Variants in ADAMTS8 observed in about 807,000 individuals in gnomAD.
ADAMTS8 encodes the protein ADAM metallopeptidase with thrombospondin type 1 motif 8.
In ADAMTS8, 50 loss-of-function variants were observed where a neutral mutation model predicts 64.4. The ratio of observed to expected loss-of-function variants is 0.78; its 90% CI spans 0.62 to 0.98. The LOEUF is 0.98. Ranked by LOEUF, ADAMTS8 falls within the 50% of genes least tolerant of loss-of-function variation. ADAMTS8 has a pLI of 0.00. For missense variants in ADAMTS8, 1,192 were observed against 1,208.2 expected (o/e 0.99, Z 0.20); for synonymous variants, 556 against 533.6 (o/e 1.04, Z -0.58).
Position 130,416,231 on chromosome 11 carries a change from A to C in ADAMTS8, c.1196T>G (p.Leu399Arg). 1 of 1,593,586 alleles carries C rather than the reference A, an allele frequency of 6.3e-7. No homozygotes were observed. Among genetic ancestry groups the C allele is most frequent in the East Asian group, 2.3e-5 (1 of 43,790 alleles). The change falls in exon 4 of 9, where the codon CTG becomes CGG. Residue 399 changes from leucine (L) to arginine (R), a missense_variant. Coordinates refer to ENST00000257359, the MANE Select transcript of ADAMTS8 (RefSeq NM_007037.6). This position sits in a 1 kb window ranked among gnomAD's most constrained non-coding sequence, Gnocchi z 4.8. ...GGGGGACCAGGGCAGCGTCTGGTTC[A>C]GGTGGACGAACAGCGGTGCCATCAC... is the stretch of plus-strand genomic sequence containing the variant. ...HHVMAPLFVHLNQTLPWSPCS... is the reference protein window; with the variant it reads ...HHVMAPLFVHRNQTLPWSPCS...
intron 1 of ADAMTS8, among the ~76,000 whole-genome samples, chr11:130,425,071 G>A (rs1862146506): frequency 6.6e-6 from 1 of 152,148 alleles, no homozygotes; most frequent in Admixed American, 6.5e-5. Context: ...ATGTGCAGCT[G>A]GGAAAGGTCC....
At chr11:130,412,524 T>C (rs1448148182) in intron 5 of ADAMTS8, among the ~76,000 whole-genome samples, 2 of 152,172 alleles carry the variant, frequency 1.3e-5, no homozygotes, top group Admixed American at 1.3e-4. Flanking sequence ...CTGCTTCCCA[T>C]TTTACAACTG....
At chr11:130,412,460 T>C (rs6590458) in intron 5 of ADAMTS8, among the ~76,000 whole-genome samples, 13,748 of 152,164 alleles carry the variant, frequency 0.09, 845 homozygotes, top group African/African-American at 0.18. Flanking sequence ...GTGATCAACC[T>C]GCCTCGGCCT....
chr11:130,422,907 C>A (rs1198534937), intron 1 of ADAMTS8, among the ~76,000 whole-genome samples: 1 of 152,224 alleles, frequency 6.6e-6, no homozygotes, highest in Non-Finnish European at 1.5e-5. Flanking sequence ...AATAGCCATG[C>A]CTTGCTGAGT....
intron 2 of ADAMTS8, 106 bp from the exon 3 acceptor site, chr11:130,417,181 G>T: frequency 7.0e-7 from 1 of 1,429,870 alleles, no homozygotes; most frequent in South Asian, 1.2e-5. Flanking sequence ...GTGGACCACT[G>T]AGCGTCCCAT....
At position 130,428,276 on chromosome 11, in the gene ADAMTS8, G is replaced by A. The variant is rs1251581360; in HGVS notation, c.11C>T (p.Ala4Val). The A allele has an allele frequency of 2.5e-6, 3 of 1,213,648 alleles. No homozygotes were observed. Among genetic ancestry groups the A allele is most frequent in the Non-Finnish European group, 3.1e-6 (3 of 979,322 alleles). 75.2% of individuals were successfully genotyped at this position (1,213,648 alleles called of 1,614,324 possible). A position where few individuals can be genotyped will look rare whatever the true frequency, so the allele number is the denominator to read the frequency against. ...CGGAGGCCACCGGGGGGCGGCGGGG[G>A]CGGGGAGCATGGGGGCTGCGGCGGT... is the stretch of plus-strand genomic sequence containing the variant. MLPAPAAPRWPPLL... is the reference protein window; with the variant it reads MLPVPAAPRWPPLL... Residue 4 changes from alanine to valine, a missense_variant, in exon 1 of 9, where the codon GCC (alanine) becomes GTC (valine). Physicochemically the swap from Ala to Val is moderately conservative, Grantham distance 64. Around this residue, in one of 5 missense-constraint regions of ADAMTS8, gnomAD observed 741 missense variants for 710.6 expected, o/e 1.04. Coordinates refer to ENST00000257359, the MANE Select transcript of ADAMTS8 (RefSeq NM_007037.6).
Position 130,417,053 on chromosome 11 carries a change from AGC to A in ADAMTS8, c.981_982del (p.Leu328ValfsTer2). 1 of 1,613,996 alleles carries A rather than the reference AGC, an allele frequency of 6.2e-7. No homozygotes were observed. Among genetic ancestry groups the A allele is most frequent in the Non-Finnish European group, 8.5e-7 (1 of 1,180,006 alleles). On this transcript the variant is annotated frameshift_variant, in exon 3 of 9. Transcript: ENST00000257359. LOFTEE classifies it high-confidence loss of function. ...GTCTGCCACACCCAGGGTGTCACAC[AGC>A]CCCTCCTGCCCACAGAAGTTCTGCG...
At chr11:130,420,832 G>A (rs984006399) in intron 1 of ADAMTS8, among the ~76,000 whole-genome samples, 2 of 152,228 alleles carry the variant, frequency 1.3e-5, no homozygotes, top group African/African-American at 4.8e-5. Context: ...GGATTCTGGA[G>A]GGACAAAAAG....
intron 1 of ADAMTS8, among the ~76,000 whole-genome samples, chr11:130,420,148 C>T (rs137959254): frequency 6.1e-4 from 93 of 152,340 alleles, no homozygotes; most frequent in African/African-American, 2.2e-3. Flanking sequence ...TTCCTGGTGT[C>T]TGCCTGGACA....
At position 130,419,072 on chromosome 11, in the gene ADAMTS8, G is replaced by A; in HGVS notation, c.941C>T (p.Ala314Val). 1 of 1,614,142 alleles carries A rather than the reference G, an allele frequency of 6.2e-7. No individual in the cohort carries two copies. Among genetic ancestry groups the A allele is most frequent in the Non-Finnish European group, 8.5e-7 (1 of 1,180,048 alleles). Residue 314 changes from alanine to valine, a missense_variant, in exon 2 of 9, where the codon GCC becomes GTC. Around this residue, in one of 5 missense-constraint regions of ADAMTS8, gnomAD observed 741 missense variants for 710.6 expected, o/e 1.04. Coordinates refer to ENST00000257359, the MANE Select transcript of ADAMTS8 (RefSeq NM_007037.6). ...ACGGACCTGTCTGGTGAGCAGGATGGCCGTGTCGTAGTGCTCTGGGTGGCG... is the reference window on the plus strand; with the variant it reads ...ACGGACCTGTCTGGTGAGCAGGATGACCGTGTCGTAGTGCTCTGGGTGGCG... ...SDRHPEHYDT[A>V]ILLTRQNFCG...
chr11:130,405,619 C>T lies in ADAMTS8; in HGVS notation c.2609G>A (p.Cys870Tyr), dbSNP rs1861867966. The T allele has an allele frequency of 3.1e-6, 5 of 1,612,814 alleles. No homozygotes were observed. The highest frequency in any genetic ancestry group is 1.3e-5 in the African/African-American group (1 of 74,912). Residue 870 changes from cysteine to tyrosine, a missense_variant, in exon 9 of 9, where the codon TGC becomes TAC. Around this residue, in one of 5 missense-constraint regions of ADAMTS8, gnomAD observed 147 missense variants for 154.1 expected, o/e 0.95. Coordinates refer to ENST00000257359, the MANE Select transcript of ADAMTS8 (RefSeq NM_007037.6). Reference sequence around the variant, plus strand: ...ATCCTCGGGTTTCAGAGCCTTGTTGCAGGTGGCAGAGGCCTGGCCGGAGGG... The same window carrying T: ...ATCCTCGGGTTTCAGAGCCTTGTTGTAGGTGGCAGAGGCCTGGCCGGAGGG... ...RDPSGQASAT[C>Y]NKALKPEDAK...
At chr11:130,420,141 C>A (rs1344395353) in intron 1 of ADAMTS8, among the ~76,000 whole-genome samples, 2 of 152,238 alleles carry the variant, frequency 1.3e-5, no homozygotes, top group African/African-American at 4.8e-5. Flanking sequence ...GCGTGGCTTC[C>A]TGGTGTCTGC....
chr11:130,410,533 G>A (rs1861939532), intron 6 of ADAMTS8, among the ~76,000 whole-genome samples: 1 of 152,136 alleles, frequency 6.6e-6, no homozygotes, highest in Admixed American at 6.5e-5. Context: ...AAACCATTGT[G>A]GATCCTTCTT....
In ADAMTS8 at chr11:130,414,778, G is replaced by C; in HGVS notation, c.1319C>G (p.Pro440Arg). 2 of 1,613,216 alleles carry C rather than the reference G, an allele frequency of 1.2e-6. No individual in the cohort carries two copies. The highest frequency in any genetic ancestry group is 2.2e-5 in the South Asian group (2 of 91,072). Residue 440 changes from proline to arginine, a missense_variant, in exon 5 of 9, where the codon CCG becomes CGG. Pro to Arg is a moderately radical substitution (Grantham distance 103, BLOSUM62 -2). Coordinates refer to ENST00000257359, the MANE Select transcript of ADAMTS8 (RefSeq NM_007037.6). ...CAGCTGGTACAGGGCCATGCGGCCC[G>C]GGAGGCCTGTGGGGAGGGGCAGGGC... ...AAALPLPTGL[P>R]GRMALYQLDQ...
chr11:130,418,047 G>T (rs1475834023), intron 2 of ADAMTS8, among the ~76,000 whole-genome samples: 3 of 148,314 alleles, frequency 2.0e-5, no homozygotes, highest in Non-Finnish European at 4.4e-5. Flanking sequence ...TGGGCAAGGT[G>T]CTTGCGCTTG....
rs1862027872 is a variant in ADAMTS8, at chr11:130,416,563, G to C, written c.1097-233C>G. On this transcript the variant is annotated intron_variant, in intron 3 of 8. Coordinates refer to ENST00000257359, the MANE Select transcript of ADAMTS8 (RefSeq NM_007037.6). The surrounding 1 kb of genome is among the most constrained non-coding windows in gnomAD (Gnocchi z 4.8). Reference sequence around the variant, plus strand: ...TCAGCCCGTCCTGAATTTGGATCTAGCTCTGTTATTTGCCCTCTCACATGA... The same window carrying C: ...TCAGCCCGTCCTGAATTTGGATCTACCTCTGTTATTTGCCCTCTCACATGA... Among the ~76,000 whole-genome samples, 1 of 152,194 alleles carries C rather than the reference G, an allele frequency of 6.6e-6. No individual in the cohort carries two copies. Among genetic ancestry groups the C allele is most frequent in the Admixed American group, 6.5e-5 (1 of 15,280 alleles).
At chr11:130,408,682 C>T (rs779704074) in intron 7 of ADAMTS8, 43 bp from the exon 8 acceptor site, 1 of 1,612,112 alleles carries the variant, frequency 6.2e-7, no homozygotes, top group East Asian at 2.2e-5. Flanking sequence ...GTGTTGAGCA[C>T]AGAAGCAGCC....
At chr11:130,417,209 G>A (rs1438744204) in intron 2 of ADAMTS8, 134 bp from the exon 3 acceptor site, 9 of 764,840 alleles carry the variant, frequency 1.2e-5, no homozygotes, top group African/African-American at 3.5e-5. Context: ...TTGCTGGCCT[G>A]TGCATCACCT....
At chr11:130,414,468 T>A in intron 5 of ADAMTS8, 63 bp downstream of exon 5, 1 of 1,520,352 alleles carries the variant, frequency 6.6e-7, no homozygotes, top group Non-Finnish European at 8.8e-7. Context: ...CAGCCCTCAG[T>A]CCTCCCCATT....
Sources: allele counts gnomAD v4.1 joint callset (sites outside exome capture counted in the v4.1 genomes callset), GRCh38; gene constraint gnomAD v4.1.1; regional missense constraint gnomAD v4.1.1; non-coding constraint Gnocchi (gnomAD v3.1); transcripts MANE v1.5; gene names NCBI Gene and HGNC (gene_info 2026-07-23, HGNC 2026-07-21).